Variants in MYPN observed in about 807,000 individuals in gnomAD.
MYPN encodes sarcomeric protein myopalladin, 145 kDa (MYOP).
Under a neutral mutation model 129.4 loss-of-function variants are expected in MYPN, and 63 were observed. The ratio of observed to expected loss-of-function variants is 0.49; its 90% CI spans 0.40 to 0.60. The LOEUF (loss-of-function observed/expected upper bound fraction) is 0.60, where lower values mean the gene tolerates loss of function less well. MYPN is among the 20% of genes least tolerant of loss of function. MYPN has a pLI of 0.00. For synonymous variants in MYPN, 629 were observed against 600.9 expected, an observed-to-expected ratio of 1.05 and a Z score of -0.68; for missense variants, 1,596 against 1,635.4, an observed-to-expected ratio of 0.98 and a Z score of 0.42.
chr10:68,119,385 T>TTTTATTTATTTATTTA (rs141638905), intron 1 of MYPN, among the ~76,000 whole-genome samples: 20 of 144,770 alleles, frequency 1.4e-4, no homozygotes, highest in South Asian at 4.4e-4. Flanking sequence ...TTGCATTTTA[T>TTTTATTTATTTATTTA]TTTATTTATT....
Position 68,166,674 on chromosome 10 carries a change from A to G in MYPN, c.1973+8A>G. The G allele has an allele frequency of 6.2e-7, 1 of 1,613,950 alleles. No individual in the cohort carries two copies. The highest frequency in any genetic ancestry group is 8.5e-7 in the Non-Finnish European group (1 of 1,179,994). On this transcript the variant is annotated splice_region_variant and intron_variant, in intron 10 of 19. Coordinates refer to ENST00000358913, the MANE Select transcript of MYPN (RefSeq NM_032578.4). ...TCTGGCCAAACCCAAACTGTAAGTA[A>G]AAAGTAGGATGAATAACCAGGAGCT...
intron 2 of MYPN, among the ~76,000 whole-genome samples, chr10:68,130,784 T>C (rs1440657768): frequency 1.3e-5 from 2 of 152,186 alleles, no homozygotes; most frequent in Non-Finnish European, 2.9e-5. Context: ...AAGTTTTTAA[T>C]CCACTTAAAG....
intron 1 of MYPN, among the ~76,000 whole-genome samples, chr10:68,096,687 A>C (rs1043650010): frequency 2.0e-5 from 3 of 152,242 alleles, no homozygotes. Context: ...GCATTTATTT[A>C]GAAGAACTGA....
At chr10:68,164,251 A>G (rs979322062) in intron 8 of MYPN, among the ~76,000 whole-genome samples, 4 of 152,216 alleles carry the variant, frequency 2.6e-5, no homozygotes, top group African/African-American at 9.6e-5. Context: ...GTGCCATTCC[A>G]TGGCAGAAGG....
At position 68,129,012 on chromosome 10, in the gene MYPN, T is replaced by C. The variant is rs372516398; in HGVS notation, c.902+6672T>C. Among the ~76,000 whole-genome samples the C allele has an allele frequency of 6.1e-4, 93 of 152,204 alleles. 3 individuals carry two copies. The East Asian group carries it at 0.012, about 20-fold the overall frequency. On this transcript the variant is annotated intron_variant, in intron 2 of 19. Transcript: ENST00000358913. ...CTCTCCTCTCTCTCTCTCTTTTTTT[T>C]TTAATGTGCCTTAAACTAGTTCCAA...
chr10:68,159,509 G>A (rs1280944338), intron 7 of MYPN, among the ~76,000 whole-genome samples: 1 of 151,866 alleles, frequency 6.6e-6, no homozygotes, highest in African/African-American at 2.4e-5. Context: ...TTTCACATTG[G>A]GTTCTTGCTC....
chr10:68,200,953 A>G (rs77201371), intron 17 of MYPN, among the ~76,000 whole-genome samples: 2 of 152,208 alleles, frequency 1.3e-5, no homozygotes, highest in Admixed American at 6.5e-5. Context: ...TTGCTAAAAA[A>G]TATTGACTTT....
chr10:68,117,003 CG>C (rs1168064216), intron 1 of MYPN, among the ~76,000 whole-genome samples: 2 of 151,886 alleles, frequency 1.3e-5, no homozygotes, highest in Non-Finnish European at 2.9e-5. Context: ...GTGGATCACT[CG>C]AGGTCAGGAG....
chr10:68,178,746 G>T (rs922116810), intron 12 of MYPN, among the ~76,000 whole-genome samples: 13 of 148,900 alleles, frequency 8.7e-5, no homozygotes, highest in African/African-American at 3.2e-4. Flanking sequence ...GGATCACAAA[G>T]CATAATGGAG....
In MYPN at chr10:68,194,407, G is replaced by C; in HGVS notation, c.2970G>C (p.Glu990Asp). Residue 990 changes from glutamate (E) to aspartate (D), a missense_variant, in exon 14 of 20, where the codon GAG becomes GAC. Glu to Asp is a conservative substitution (Grantham distance 45). Coordinates refer to ENST00000358913, the MANE Select transcript of MYPN (RefSeq NM_032578.4). ...KDGKQISKRN[E>D]HCKMRREGDG... ...GGAAGCAGATTTCTAAGAGAAATGA[G>C]CACTGCAAAATGAGGCGAGAAGGAG... 6.2e-7 allele frequency: 1 copy of C among 1,613,716 alleles called. No homozygotes were observed. Among genetic ancestry groups the C allele is most frequent in the South Asian group, 1.1e-5 (1 of 91,078 alleles).
intron 4 of MYPN, among the ~76,000 whole-genome samples, chr10:68,145,901 G>A (rs186773123): frequency 2.0e-5 from 3 of 152,046 alleles, no homozygotes; most frequent in African/African-American, 7.2e-5. Context: ...TATCATTCTC[G>A]TGGCCTTGAG....
intron 14 of MYPN, among the ~76,000 whole-genome samples, 172 bp from the exon 15 acceptor site, chr10:68,195,278 G>A (rs2043585357): frequency 6.6e-6 from 1 of 151,834 alleles, no homozygotes. Flanking sequence ...CTCTCCCCCT[G>A]GAATATTAAC....
intron 10 of MYPN, among the ~76,000 whole-genome samples, chr10:68,169,916 T>G (rs932969950): frequency 6.6e-6 from 1 of 152,078 alleles, no homozygotes; most frequent in East Asian, 1.9e-4. Flanking sequence ...ATTTTTGTAT[T>G]TTTAGCAAAG....
chr10:68,195,675 G>A, intron 15 of MYPN, 143 bp downstream of exon 15: 1 of 734,582 alleles, frequency 1.4e-6, no homozygotes, highest in Admixed American at 2.0e-5. Flanking sequence ...GCGTTGGTTG[G>A]AAATGCAGAA....
chr10:68,092,938 A>G (rs1238649493), intron 1 of MYPN, among the ~76,000 whole-genome samples: 1 of 152,238 alleles, frequency 6.6e-6, no homozygotes, highest in Non-Finnish European at 1.5e-5. Flanking sequence ...TTCTTGGATC[A>G]GTGGTTTCCA....
intron 10 of MYPN, among the ~76,000 whole-genome samples, chr10:68,172,083 A>C (rs4745947): frequency 0.41 from 62,087 of 152,140 alleles, 14,212 homozygotes; most frequent in Non-Finnish European, 0.52. Flanking sequence ...TAAAACCAGC[A>C]AGGCGCTTGC....
intron 12 of MYPN, among the ~76,000 whole-genome samples, chr10:68,184,172 G>T (rs983174399): frequency 1.3e-5 from 2 of 152,100 alleles, no homozygotes; most frequent in Admixed American, 6.6e-5. Context: ...TGGTAATTTG[G>T]ATTCAGATAC....
At chr10:68,168,338 C>CAA (rs1243879373) in intron 10 of MYPN, among the ~76,000 whole-genome samples, 1 of 152,160 alleles carries the variant, frequency 6.6e-6, no homozygotes, top group Non-Finnish European at 1.5e-5. Flanking sequence ...CCCCAAACAA[C>CAA]CTCCTGGGGA....
intron 1 of MYPN, among the ~76,000 whole-genome samples, chr10:68,110,042 A>G (rs1206341576): frequency 1.3e-5 from 2 of 152,238 alleles, no homozygotes; most frequent in Non-Finnish European, 2.9e-5. Flanking sequence ...AATGTTGTTT[A>G]TATAGAGAAT....
Sources: gnomAD v4.1 joint callset for allele counts (sites outside exome capture counted in the v4.1 genomes callset) on GRCh38, gnomAD v4.1.1 for gene constraint, MANE v1.5 for transcripts, NCBI Gene and HGNC (gene_info 2026-07-23, HGNC 2026-07-21) for gene names.